Variants in RNF13 observed in about 807,000 individuals in gnomAD.
The protein encoded by RNF13 is ring finger protein 13, also known as E3 ubiquitin-protein ligase RNF13.
RNF13 carries 19 observed loss-of-function variants against 37.7 expected under a neutral mutation model. That is an observed-to-expected ratio of 0.50 (90% CI 0.35 to 0.74). RNF13 has a LOEUF of 0.74. Ranked by LOEUF, RNF13 falls within the 30% of genes least tolerant of loss-of-function variation. The probability of loss-of-function intolerance (pLI) is 0.01; values close to 1 mark genes in which losing one functional copy is unlikely to be tolerated. For missense variants in RNF13, 375 were observed against 453.0 expected, an observed-to-expected ratio of 0.83 and a Z score of 1.56; for synonymous variants, 144 against 157.8, an observed-to-expected ratio of 0.91 and a Z score of 0.65.
At chr3:149,850,202 A>G (rs187912385) in intron 2 of RNF13, among the ~76,000 whole-genome samples, 35 of 151,736 alleles carry the variant, frequency 2.3e-4, no homozygotes, top group Middle Eastern at 6.8e-3. Flanking sequence ...CTGGTCTTGA[A>G]CTCCTGACCT....
At chr3:149,939,600 A>C in intron 8 of RNF13, 1 of 621,116 alleles carries the variant, frequency 1.6e-6, no homozygotes, top group Non-Finnish European at 3.1e-6. Flanking sequence ...TGCCTTCATA[A>C]TTCATTGCCT....
At chr3:149,882,158 G>C (rs530227819) in intron 4 of RNF13, among the ~76,000 whole-genome samples, 1 of 152,124 alleles carries the variant, frequency 6.6e-6, no homozygotes, top group Non-Finnish European at 1.5e-5. Context: ...GCATGTTCAT[G>C]ATGATCTCGA....
intron 5 of RNF13, 35 bp downstream of exon 5, chr3:149,895,595 T>C (rs1279318737): frequency 2.3e-6 from 3 of 1,315,628 alleles, no homozygotes; most frequent in Non-Finnish European, 3.2e-6. Flanking sequence ...CTCTCCTGTT[T>C]GACAGATCAT....
rs1331574504 is a variant in RNF13, at chr3:149,831,380, C to T, written c.-16-14631C>T. 3.9e-5 allele frequency among the ~76,000 whole-genome samples: 6 copies of T among 152,222 alleles called. No individual in the cohort carries two copies. In the South Asian group the frequency reaches 8.3e-4, roughly 21 times the overall value. On this transcript the variant is annotated intron_variant, in intron 1 of 9. Coordinates refer to ENST00000392894, the MANE Select transcript of RNF13 (RefSeq NM_183381.3). ...ACTGCCCAAGTCTGCGGGAGCCCACCTCTTCCTCAGCATGAGCTGGATATG... is the reference window on the plus strand; with the variant it reads ...ACTGCCCAAGTCTGCGGGAGCCCACTTCTTCCTCAGCATGAGCTGGATATG...
intron 6 of RNF13, among the ~76,000 whole-genome samples, chr3:149,905,812 A>G (rs927707456): frequency 1.3e-5 from 2 of 152,066 alleles, no homozygotes; most frequent in Non-Finnish European, 2.9e-5. Flanking sequence ...TGAAATTTTT[A>G]AAACAATTTT....
At chr3:149,958,711 T>C (rs970906152) in intron 8 of RNF13, among the ~76,000 whole-genome samples, 2 of 152,252 alleles carry the variant, frequency 1.3e-5, no homozygotes, top group African/African-American at 2.4e-5. Context: ...AATAGATCTA[T>C]GTAATTATAA....
rs1559912474 is a variant in RNF13 at position 149,860,297 on chromosome 3, ATAT to A, written c.195+7702_195+7704del. Reference sequence around the variant, plus strand: ...TATATATATATATATATATATATATATATAACGTGTATATATAATGTATTTATA... The same window carrying A: ...TATATATATATATATATATATATATAAACGTGTATATATAATGTATTTATA... On this transcript the variant is annotated intron_variant, in intron 3 of 9. Transcript: ENST00000392894. 2.7e-4 allele frequency among the ~76,000 whole-genome samples: 38 copies of A among 143,262 alleles called. 1 individual carries two copies. Among genetic ancestry groups the A allele is most frequent in the African/African-American group, 9.4e-4 (37 of 39,314 alleles). 94.0% of individuals were successfully genotyped at this position (143,262 alleles called of 152,430 possible). A position where few individuals can be genotyped will look rare whatever the true frequency, so the allele number is the denominator to read the frequency against.
chr3:149,831,995 G>A (rs1240663127), intron 1 of RNF13, among the ~76,000 whole-genome samples: 1 of 152,056 alleles, frequency 6.6e-6, no homozygotes, highest in African/African-American at 2.4e-5. Flanking sequence ...ATGTGTGACT[G>A]GCTATTATAA....
intron 4 of RNF13, among the ~76,000 whole-genome samples, chr3:149,874,102 T>G (rs1246951272): frequency 6.6e-6 from 1 of 152,212 alleles, no homozygotes; most frequent in Non-Finnish European, 1.5e-5. Context: ...CTTTACCATG[T>G]AGGCACAGTT....
chr3:149,821,218 TAG>T, intron 1 of RNF13, among the ~76,000 whole-genome samples: 2 of 152,330 alleles, frequency 1.3e-5, no homozygotes, highest in South Asian at 4.1e-4. Context: ...TAATTTTGTT[TAG>T]CTTTTTGAGG....
At chr3:149,847,746 G>A (rs1409297974) in intron 2 of RNF13, among the ~76,000 whole-genome samples, 1 of 152,104 alleles carries the variant, frequency 6.6e-6, no homozygotes, top group Non-Finnish European at 1.5e-5. Context: ...ATGAGTTAGA[G>A]GATTTATGGA....
In RNF13 at chr3:149,872,165, CT is replaced by C; in HGVS notation, c.321+17del. On this transcript the variant is annotated intron_variant, in intron 4 of 9. Coordinates refer to ENST00000392894, the MANE Select transcript of RNF13 (RefSeq NM_183381.3). Reference sequence around the variant, plus strand: ...AATTTTGATATAAAGGTATGATTATCTTTTTTCATTTTTTGTTTCCTATTTG... The same window carrying C: ...AATTTTGATATAAAGGTATGATTATCTTTTTCATTTTTTGTTTCCTATTTG... 1 of 1,512,930 alleles carries C rather than the reference CT, an allele frequency of 6.6e-7. No homozygotes were observed. The highest frequency in any genetic ancestry group is 8.9e-7 in the Non-Finnish European group (1 of 1,118,246). 93.7% of individuals were successfully genotyped at this position (1,512,930 alleles called of 1,614,324 possible). A position where few individuals can be genotyped will look rare whatever the true frequency, so the allele number is the denominator to read the frequency against.
chr3:149,855,396 G>A (rs1348972749), intron 3 of RNF13, among the ~76,000 whole-genome samples: 4 of 151,312 alleles, frequency 2.6e-5, no homozygotes, highest in Non-Finnish European at 5.9e-5. Context: ...TTCCACAGCA[G>A]CATCTATAAA....
At chr3:149,939,127 T>G (rs772167038) in intron 8 of RNF13, 1 of 510,208 alleles carries the variant, frequency 2.0e-6, no homozygotes, top group Non-Finnish European at 3.8e-6. Context: ...GTTTTAGGAG[T>G]TTTTTCCTGT....
At chr3:149,885,511 T>G (rs1713925792) in intron 4 of RNF13, among the ~76,000 whole-genome samples, 1 of 152,238 alleles carries the variant, frequency 6.6e-6, no homozygotes, top group African/African-American at 2.4e-5. Context: ...ATTTGCCTAT[T>G]TCCCATTTGT....
Position 149,886,431 on chromosome 3 carries a change from T to C in RNF13, c.322-9042T>C, listed in dbSNP as rs577566902. Among the ~76,000 whole-genome samples the C allele has an allele frequency of 2.2e-3, 332 of 152,304 alleles. 2 individuals are homozygous for C. The highest frequency in any genetic ancestry group is 7.7e-3 in the African/African-American group (318 of 41,568). ...AGTGTATAGAGAAACAGTGGATTTA[T>C]GTATATTGATCTTGTATCCTGTCAC... On this transcript the variant is annotated intron_variant, in intron 4 of 9. Transcript: ENST00000392894.
chr3:149,850,731 T>C (rs1308978453), intron 2 of RNF13, among the ~76,000 whole-genome samples: 1 of 152,224 alleles, frequency 6.6e-6, no homozygotes, highest in East Asian at 1.9e-4. Context: ...GATAAGTTAC[T>C]TTATTTTACA....
intron 2 of RNF13, among the ~76,000 whole-genome samples, chr3:149,850,205 C>G (rs1259717385): frequency 6.6e-6 from 1 of 152,134 alleles, no homozygotes; most frequent in Non-Finnish European, 1.5e-5. Flanking sequence ...GTCTTGAACT[C>G]CTGACCTCAG....
chr3:149,958,368 C>A (rs1185824791), intron 8 of RNF13, among the ~76,000 whole-genome samples: 1 of 152,152 alleles, frequency 6.6e-6, no homozygotes, highest in Admixed American at 6.5e-5. Flanking sequence ...CCTTCTTCCC[C>A]CTATCTTCAA....
Sources: allele counts gnomAD v4.1 joint callset (sites outside exome capture counted in the v4.1 genomes callset), GRCh38; gene constraint gnomAD v4.1.1; transcripts MANE v1.5; gene names NCBI Gene and HGNC (gene_info 2026-07-23, HGNC 2026-07-21).